Variants in PSTPIP2 observed in about 807,000 individuals in gnomAD.
PSTPIP2 encodes the protein proline-serine-threonine phosphatase interacting protein 2, also known as proline-serine-threonine phosphatase-interacting protein 2.
Under a neutral mutation model 63.3 loss-of-function variants are expected in PSTPIP2, and 33 were observed. The ratio of observed to expected loss-of-function variants is 0.52; its 90% CI spans 0.40 to 0.70. PSTPIP2 has a LOEUF of 0.70. Among genes scored for constraint, PSTPIP2 ranks in the 30% least tolerant of loss-of-function variants. PSTPIP2 has a pLI of 0.00. For missense variants in PSTPIP2, 312 were observed against 400.7 expected, an observed-to-expected ratio of 0.78 and a Z score of 1.89; for synonymous variants, 125 against 132.7, an observed-to-expected ratio of 0.94 and a Z score of 0.40.
intron 10 of PSTPIP2, among the ~76,000 whole-genome samples, chr18:45,992,574 CA>C (rs1343761016): frequency 6.8e-6 from 1 of 145,992 alleles, no homozygotes; most frequent in Admixed American, 6.8e-5. Context: ...AAAAAAAAAA[CA>C]AAAAAACAAA....
chr18:46,071,394 G>C (rs978036910), intron 1 of PSTPIP2, among the ~76,000 whole-genome samples: 3 of 152,332 alleles, frequency 2.0e-5, no homozygotes, highest in East Asian at 3.9e-4. Context: ...TGAGAGGACA[G>C]AGGGAAGAGG....
intron 1 of PSTPIP2, among the ~76,000 whole-genome samples, chr18:46,065,591 C>T (rs535266733): frequency 5.3e-5 from 8 of 152,134 alleles, no homozygotes; most frequent in African/African-American, 1.7e-4. Flanking sequence ...CTCAGCCTCC[C>T]GAGTCGCTGG....
At chr18:46,013,043 T>G (rs1321978121) in intron 4 of PSTPIP2, among the ~76,000 whole-genome samples, 1 of 151,812 alleles carries the variant, frequency 6.6e-6, no homozygotes, top group Non-Finnish European at 1.5e-5. Context: ...CTATCTTCTT[T>G]ACAGTTAGTT....
chr18:46,020,208 T>A (rs576671083), intron 3 of PSTPIP2, among the ~76,000 whole-genome samples: 1 of 152,292 alleles, frequency 6.6e-6, no homozygotes, highest in East Asian at 1.9e-4. Flanking sequence ...CACCCTCTCT[T>A]CTCCACAGTG....
At chr18:46,026,756 G>T (rs1402223243) in intron 2 of PSTPIP2, among the ~76,000 whole-genome samples, 1 of 152,096 alleles carries the variant, frequency 6.6e-6, no homozygotes, top group Admixed American at 6.5e-5. Flanking sequence ...GTGTGGTGGT[G>T]CATACCTGTA....
chr18:45,998,626 T>G (rs1403299418), intron 8 of PSTPIP2, among the ~76,000 whole-genome samples, 168 bp downstream of exon 8: 2 of 151,980 alleles, frequency 1.3e-5, no homozygotes, highest in Non-Finnish European at 1.5e-5. Context: ...CCTTCCTTAC[T>G]CTCTCCCTTC....
chr18:46,071,448 T>TGGGCTGGCCCTACC (rs1467325054), intron 1 of PSTPIP2, among the ~76,000 whole-genome samples: 2 of 152,124 alleles, frequency 1.3e-5, no homozygotes, highest in African/African-American at 4.8e-5. Flanking sequence ...CCCTCCAGGC[T>TGGGCTGGCCCTACC]GGGCTGGCCC....
intron 2 of PSTPIP2, among the ~76,000 whole-genome samples, chr18:46,037,633 C>G (rs913023744): frequency 2.0e-5 from 3 of 152,158 alleles, no homozygotes; most frequent in African/African-American, 7.2e-5. Context: ...CATGAATTAC[C>G]CTTGAACAAG....
At chr18:46,001,904 ATTCT>A (rs1162487044) in intron 6 of PSTPIP2, among the ~76,000 whole-genome samples, 1 of 152,188 alleles carries the variant, frequency 6.6e-6, no homozygotes, top group East Asian at 1.9e-4. Context: ...ATCCAATTAC[ATTCT>A]TTAAGTTATT....
At chr18:46,038,075 T>C (rs1022810852) in intron 2 of PSTPIP2, among the ~76,000 whole-genome samples, 3 of 152,142 alleles carry the variant, frequency 2.0e-5, no homozygotes, top group Non-Finnish European at 2.9e-5. Context: ...CAATTTTTTT[T>C]TGAAAGACAG....
Position 46,015,920 on chromosome 18 carries a change from AG to A in PSTPIP2, c.229del (p.Glu78LysfsTer7). On this transcript the variant is annotated frameshift_variant, in exon 4 of 15. Transcript: ENST00000409746. LOFTEE classifies it high-confidence loss of function. ...QSEINTLKRA[L>X]EVFKQQVDNV... is the part of the protein sequence containing the mutation. ...TCACTTACGCTGCTTGAAGACTTCA[AG>A]GGCCCGCTTCAGGGTGCTAAAAAAA... 6.2e-7 allele frequency: 1 copy of A among 1,612,516 alleles called. No homozygotes were observed. Among genetic ancestry groups the A allele is most frequent in the South Asian group, 1.1e-5 (1 of 90,850 alleles).
intron 1 of PSTPIP2, among the ~76,000 whole-genome samples, chr18:46,060,350 T>C (rs1408937650): frequency 3.3e-5 from 5 of 152,362 alleles, no homozygotes; most frequent in South Asian, 4.1e-4. Flanking sequence ...AGTCTGTGGA[T>C]ATACTAACAC....
intron 14 of PSTPIP2, among the ~76,000 whole-genome samples, chr18:45,985,713 AACAGGAATAGCAGCT>A (rs1170727796): frequency 6.6e-6 from 1 of 152,226 alleles, no homozygotes; most frequent in Non-Finnish European, 1.5e-5. Context: ...TAGAATTAAC[AACAGGAATAGCAGCT>A]AAAATCAACA....
intron 13 of PSTPIP2, 46 bp from the exon 14 acceptor site, chr18:45,988,805 A>T (rs1451422030): frequency 6.9e-7 from 1 of 1,455,400 alleles, no homozygotes; most frequent in East Asian, 2.3e-5. Context: ...TCAATTTTTC[A>T]TAATAAGATC....
chr18:46,001,517 T>A (rs2051666567), intron 6 of PSTPIP2, among the ~76,000 whole-genome samples: 1 of 152,222 alleles, frequency 6.6e-6, no homozygotes, highest in African/African-American at 2.4e-5. Flanking sequence ...GTCAGATGAA[T>A]AATTTGCATA....
At chr18:46,043,132 T>A (rs1002696555) in intron 1 of PSTPIP2, among the ~76,000 whole-genome samples, 4 of 148,476 alleles carry the variant, frequency 2.7e-5, no homozygotes, top group Non-Finnish European at 4.4e-5. Context: ...ATGCCTGTAA[T>A]CCCAGCACTT....
chr18:45,989,158 G>C (rs2051497205), intron 13 of PSTPIP2, among the ~76,000 whole-genome samples: 1 of 152,092 alleles, frequency 6.6e-6, no homozygotes, highest in African/African-American at 2.4e-5. Flanking sequence ...TTAGTGAACT[G>C]TTAAGTGCAG....
rs551766455 is a variant in PSTPIP2, at chr18:46,055,071, C to T, written c.34-15024G>A. Among the ~76,000 whole-genome samples the T allele has an allele frequency of 2.6e-5, 4 of 152,286 alleles. No homozygotes were observed. In the East Asian group the frequency reaches 7.7e-4, roughly 29 times the overall value. On this transcript the variant is annotated intron_variant, in intron 1 of 14. Coordinates refer to ENST00000409746, the MANE Select transcript of PSTPIP2 (RefSeq NM_024430.4). Reference sequence around the variant, plus strand: ...TCAGCAATTTGGCCAGTTCCTGCTTCCTACTAAAGTCGCACTGGTCTTTCT... The same window carrying T: ...TCAGCAATTTGGCCAGTTCCTGCTTTCTACTAAAGTCGCACTGGTCTTTCT...
intron 3 of PSTPIP2, among the ~76,000 whole-genome samples, chr18:46,018,396 A>G (rs934720314): frequency 1.3e-5 from 2 of 151,560 alleles, no homozygotes; most frequent in Non-Finnish European, 2.9e-5. Flanking sequence ...TCTTTCGTTG[A>G]TATCTTTTTT....
Sources: gnomAD v4.1 joint callset for allele counts (sites outside exome capture counted in the v4.1 genomes callset) on GRCh38, gnomAD v4.1.1 for gene constraint, MANE v1.5 for transcripts, NCBI Gene and HGNC (gene_info 2026-07-23, HGNC 2026-07-21) for gene names.